LUZP2: variants seen among roughly 807,000 people sequenced by gnomAD.
LUZP2 encodes leucine zipper protein 2.
A neutral mutation model predicts 51.6 loss-of-function variants in LUZP2; 52 were observed. The observed-to-expected ratio is 1.01, with a 90% CI of 0.81 to 1.27. The LOEUF (loss-of-function observed/expected upper bound fraction) is 1.27, where lower values mean the gene tolerates loss of function less well. Among genes scored for constraint, LUZP2 ranks in the 50% most tolerant of loss-of-function variants. The pLI is 0.00. For synonymous variants in LUZP2, 154 were observed against 137.3 expected (o/e 1.12, Z -0.85); for missense variants, 436 against 395.4 (o/e 1.10, Z -0.87).
At chr11:25,028,934 G>A (rs899777738) in intron 9 of LUZP2, among the ~76,000 whole-genome samples, 1 of 152,038 alleles carries the variant, frequency 6.6e-6, no homozygotes, top group Admixed American at 6.6e-5. Flanking sequence ...CTAAACAAAA[G>A]GCAACAAAGA....
At chr11:25,075,012 T>C (rs541667205) in intron 10 of LUZP2, among the ~76,000 whole-genome samples, 3 of 152,182 alleles carry the variant, frequency 2.0e-5, no homozygotes, top group African/African-American at 7.2e-5. Context: ...ATGAACAACA[T>C]TTTTTGAGCT....
intron 7 of LUZP2, among the ~76,000 whole-genome samples, chr11:24,972,754 C>A (rs985068085): frequency 6.6e-6 from 1 of 152,024 alleles, no homozygotes; most frequent in East Asian, 1.9e-4. Context: ...GTTGAACCAG[C>A]CTTGGATCCT....
intron 7 of LUZP2, among the ~76,000 whole-genome samples, chr11:24,973,814 T>G (rs1173779725): frequency 6.6e-6 from 1 of 152,036 alleles, no homozygotes; most frequent in Non-Finnish European, 1.5e-5. Flanking sequence ...TTATGATTTT[T>G]AGTTATTTTG....
chr11:24,996,201 TTTCA>T (rs1270282030), intron 9 of LUZP2, among the ~76,000 whole-genome samples: 1 of 151,752 alleles, frequency 6.6e-6, no homozygotes, highest in Non-Finnish European at 1.5e-5. Context: ...TCTTGACATG[TTTCA>T]TGTTTTTTGA....
chr11:24,902,804 A>G (rs936055526), intron 5 of LUZP2, among the ~76,000 whole-genome samples: 3 of 152,208 alleles, frequency 2.0e-5, no homozygotes, highest in Non-Finnish European at 4.4e-5. Context: ...ATTTGCTATA[A>G]TTTATATCAT....
At chr11:25,001,548 G>A (rs572442425) in intron 9 of LUZP2, among the ~76,000 whole-genome samples, 8 of 152,264 alleles carry the variant, frequency 5.3e-5, no homozygotes, top group African/African-American at 1.9e-4. Context: ...TTCAGGCTAT[G>A]GCCTTGTTTA....
At chr11:24,702,396 A>T (rs1203933860) in intron 1 of LUZP2, among the ~76,000 whole-genome samples, 4 of 152,210 alleles carry the variant, frequency 2.6e-5, no homozygotes, top group Non-Finnish European at 4.4e-5. Context: ...GGAAAGGAAA[A>T]GAAAAGAAAA....
At chr11:24,855,515 CA>C (rs1165563088) in intron 5 of LUZP2, among the ~76,000 whole-genome samples, 2 of 152,138 alleles carry the variant, frequency 1.3e-5, no homozygotes, top group Non-Finnish European at 2.9e-5. Context: ...CAGGAAGAAT[CA>C]AATTGTTAAA....
intron 9 of LUZP2, among the ~76,000 whole-genome samples, chr11:24,996,634 T>TTTATA (rs1856512482): frequency 1.6e-5 from 2 of 128,630 alleles, no homozygotes; most frequent in African/African-American, 5.5e-5. Flanking sequence ...TTTATTTTAT[T>TTTATA]ATACTTTAAG....
At chr11:24,510,163 G>C (rs1175549181) in intron 1 of LUZP2, among the ~76,000 whole-genome samples, 1 of 152,192 alleles carries the variant, frequency 6.6e-6, no homozygotes, top group Non-Finnish European at 1.5e-5. Flanking sequence ...AACCTTGAAA[G>C]TTGGGGTGCA....
chr11:25,050,209 C>T, intron 10 of LUZP2, 79 bp downstream of exon 10: 1 of 662,438 alleles, frequency 1.5e-6, no homozygotes, highest in Non-Finnish European at 2.5e-6. Context: ...CTAATTCATG[C>T]CACCATGAAA....
intron 2 of LUZP2, 149 bp downstream of exon 2, chr11:24,729,435 G>T (rs557220374): frequency 1.5e-4 from 66 of 434,738 alleles, no homozygotes; most frequent in African/African-American, 1.3e-3. Context: ...GCCCTAAACG[G>T]AAATGTCATT....
intron 5 of LUZP2, among the ~76,000 whole-genome samples, chr11:24,778,275 G>C (rs879645791): frequency 6.6e-6 from 1 of 151,992 alleles, no homozygotes; most frequent in Non-Finnish European, 1.5e-5. Flanking sequence ...AATCAGCCGG[G>C]CATCGTGATG....
chr11:25,067,414 T>C (rs1407916641), intron 10 of LUZP2, among the ~76,000 whole-genome samples: 1 of 152,120 alleles, frequency 6.6e-6, no homozygotes, highest in African/African-American at 2.4e-5. Context: ...TTGGCTTTTG[T>C]TGTCATTGTT....
intron 5 of LUZP2, among the ~76,000 whole-genome samples, chr11:24,780,246 C>T (rs1849050451): frequency 6.6e-6 from 1 of 152,046 alleles, no homozygotes; most frequent in African/African-American, 2.4e-5. Flanking sequence ...AACTGAAACT[C>T]TGGCAAGCAT....
In LUZP2 at chr11:24,854,683, A is replaced by C. The variant is rs958603584; in HGVS notation, c.397-51308A>C. On this transcript the variant is annotated intron_variant, in intron 5 of 11. Coordinates refer to ENST00000336930, the MANE Select transcript of LUZP2 (RefSeq NM_001009909.4). ...CTGGGATATGAAAAAAAAAAAAAAA[A>C]AAACTCCTGCAGCTAGCTTGGCATC... 1.1e-4 allele frequency among the ~76,000 whole-genome samples: 17 copies of C among 152,152 alleles called. No homozygotes were observed. In the East Asian group the frequency reaches 2.9e-3, roughly 26 times the overall value.
At chr11:24,912,617 T>TG (rs2133798911) in intron 6 of LUZP2, among the ~76,000 whole-genome samples, 1 of 152,228 alleles carries the variant, frequency 6.6e-6, no homozygotes, top group African/African-American at 2.4e-5. Context: ...GAGACAAGCC[T>TG]GGACAACACA....
At chr11:24,595,956 T>C (rs185935289) in intron 1 of LUZP2, among the ~76,000 whole-genome samples, 42 of 152,322 alleles carry the variant, frequency 2.8e-4, no homozygotes, top group South Asian at 6.2e-4. Context: ...AACATATTTA[T>C]CTCAGTTTAT....
At chr11:24,887,567 T>C (rs1263753447) in intron 5 of LUZP2, among the ~76,000 whole-genome samples, 2 of 152,184 alleles carry the variant, frequency 1.3e-5, no homozygotes, top group Non-Finnish European at 2.9e-5. Context: ...CTCTGGCCAC[T>C]GACTTGAACC....
Sources: allele counts gnomAD v4.1 joint callset (sites outside exome capture counted in the v4.1 genomes callset), GRCh38; gene constraint gnomAD v4.1.1; transcripts MANE v1.5; gene names NCBI Gene and HGNC (gene_info 2026-07-23, HGNC 2026-07-21).